The following KICS2 variants were observed in gnomAD, a reference collection of about 807,000 sequenced individuals.
KICS2 encodes KICSTOR complex protein C12orf66.
KICS2 carries 13 observed loss-of-function variants against 31.4 expected under a neutral mutation model. The observed-to-expected ratio is 0.41, with a 90% CI of 0.27 to 0.66. The LOEUF (loss-of-function observed/expected upper bound fraction) is 0.66, where lower values mean the gene tolerates loss of function less well. Among genes scored for constraint, KICS2 ranks in the 30% least tolerant of loss-of-function variants. The pLI, the probability that KICS2 is intolerant of heterozygous loss-of-function variation, is 0.28. For missense variants in KICS2, 455 were observed against 545.4 expected (o/e 0.83, Z 1.65); for synonymous variants, 209 against 214.8 (o/e 0.97, Z 0.24).
chr12:64,194,761 T>G (rs1476192471), intron 2 of KICS2, 103 bp from the exon 3 acceptor site: 1 of 1,413,086 alleles, frequency 7.1e-7, no homozygotes, highest in African/African-American at 1.4e-5. Flanking sequence ...CATAATATTA[T>G]GCTTCAGGAC....
Position 64,192,679 on chromosome 12 carries a change from AG to A in KICS2, c.*1162del. The A allele has an allele frequency of 1.0e-6, 1 of 985,472 alleles. No individual in the cohort carries two copies. The highest frequency in any genetic ancestry group is 1.2e-6 in the Non-Finnish European group (1 of 829,932). The allele number at this position is 985,472 out of a possible 1,614,324, so 61.0% of individuals were successfully genotyped here. ...TCTTTTTATTTTGAATCAATAATCT[AG>A]AAGTGAAGGTCTCCACAGCCCATTA... On this transcript the variant is annotated 3_prime_UTR_variant, in exon 3 of 3. Transcript: ENST00000398055.
intron 1 of KICS2, 146 bp from the exon 2 acceptor site, chr12:64,216,109 TATAAATACTTTATGATAATC>T (rs1235426084): frequency 0.016 from 5,847 of 362,930 alleles, 108 homozygotes; most frequent in South Asian, 0.027. Context: ...ATGATTGAGA[TATAAATACTTTATGATAATC>T]ATAAATACTT....
intron 2 of KICS2, among the ~76,000 whole-genome samples, chr12:64,203,708 C>A (rs1248784829): frequency 6.6e-6 from 1 of 151,934 alleles, no homozygotes; most frequent in Admixed American, 6.6e-5. Flanking sequence ...TAAAAAAAAT[C>A]TATTTAAGTA....
chr12:64,212,556 A>G (rs1232101337), intron 2 of KICS2, among the ~76,000 whole-genome samples: 1 of 152,094 alleles, frequency 6.6e-6, no homozygotes, highest in Non-Finnish European at 1.5e-5. Flanking sequence ...GATATACCAC[A>G]TTTATTTATC....
chr12:64,187,512 C>T (rs190750803), downstream of KICS2: 14 of 888,080 alleles, frequency 1.6e-5, no homozygotes, highest in South Asian at 3.1e-5. Context: ...TGAAACCTTA[C>T]GGATTTACAC....
rs1851776140 is a variant in KICS2 at position 64,193,567 on chromosome 12, C to T, written c.*275G>A. 1.7e-6 allele frequency: 2 copies of T among 1,165,366 alleles called. No homozygotes were observed. Among genetic ancestry groups the T allele is most frequent in the Admixed American group, 8.6e-5 (2 of 23,216 alleles). The allele number at this position is 1,165,366 out of a possible 1,614,324, so 72.2% of individuals were successfully genotyped here. Reference sequence around the variant, plus strand: ...AAAAGCCCAATAAATATTCAATCTACAAGAAATATAGCAAAATAGGGGAAA... The same window carrying T: ...AAAAGCCCAATAAATATTCAATCTATAAGAAATATAGCAAAATAGGGGAAA... On this transcript the variant is annotated 3_prime_UTR_variant, in exon 3 of 3. Transcript: ENST00000398055.
chr12:64,210,282 A>G (rs546039458), intron 2 of KICS2, among the ~76,000 whole-genome samples: 8 of 152,322 alleles, frequency 5.3e-5, no homozygotes, highest in African/African-American at 1.9e-4. Flanking sequence ...GAAATTGTAG[A>G]TGAAAAAAGA....
chr12:64,189,746 C>T (rs181480060), downstream of KICS2, among the ~76,000 whole-genome samples: 1 of 152,186 alleles, frequency 6.6e-6, no homozygotes, highest in Non-Finnish European at 1.5e-5. Flanking sequence ...GCAAAATGGA[C>T]TTTGGAGTAA....
Position 64,214,476 on chromosome 12 carries a change from T to G in KICS2, c.521+1202A>C, listed in dbSNP as rs979337316. Among the ~76,000 whole-genome samples the G allele has an allele frequency of 7.2e-5, 11 of 152,288 alleles. 1 individual carries two copies. In the South Asian group the frequency reaches 1.9e-3, roughly 26 times the overall value. ...GTAAGAACTTATAAGAGAGAAAGAA[T>G]TGCAAGTACCAAAACCCTGAAGCCT... On this transcript the variant is annotated intron_variant, in intron 2 of 2. Coordinates refer to ENST00000398055, the MANE Select transcript of KICS2 (RefSeq NM_152440.5).
chr12:64,217,827 AAAAG>A (rs755735350), intron 1 of KICS2, among the ~76,000 whole-genome samples: 2 of 151,852 alleles, frequency 1.3e-5, no homozygotes, highest in Non-Finnish European at 1.5e-5. Context: ...AAAAGAAAAG[AAAAG>A]AAAGAAGGAA....
chr12:64,208,701 T>A (rs1054437671), intron 2 of KICS2, among the ~76,000 whole-genome samples: 1 of 152,214 alleles, frequency 6.6e-6, no homozygotes, highest in African/African-American at 2.4e-5. Flanking sequence ...GTGTGCTTCC[T>A]AAAATGCAAA....
At position 64,206,607 on chromosome 12, in the gene KICS2, G is replaced by A. The variant is rs117906774; in HGVS notation, c.521+9071C>T. Among the ~76,000 whole-genome samples the A allele has an allele frequency of 1.2e-4, 19 of 152,312 alleles. No homozygotes were observed. In the East Asian group the frequency reaches 3.7e-3, roughly 29 times the overall value. On this transcript the variant is annotated intron_variant, in intron 2 of 2. Transcript: ENST00000398055. ...GATGGCATTTGAATTGAGCCATGAT[G>A]CTTAAAATAGCTGAGAGGTGGAAAC...
At position 64,194,539 on chromosome 12, in the gene KICS2, A is replaced by G. The variant is rs568868863; in HGVS notation, c.641T>C (p.Val214Ala). 1 of 1,614,108 alleles carries G rather than the reference A, an allele frequency of 6.2e-7. No homozygotes were observed. Among genetic ancestry groups the G allele is most frequent in the South Asian group, 1.1e-5 (1 of 91,072 alleles). The change falls in exon 3 of 3, where the codon GTT becomes GCT. Residue 214 changes from valine (V) to alanine (A), a missense_variant. Coordinates refer to ENST00000398055, the MANE Select transcript of KICS2 (RefSeq NM_152440.5). ...VSEWKFLPSL[V>A]NLHSAHTKLQ... ...TTTGGTGTGCGCACTGTGTAAATTAACCAGAGATGGGAGGAACTTCCACTC... is the reference window on the plus strand; with the variant it reads ...TTTGGTGTGCGCACTGTGTAAATTAGCCAGAGATGGGAGGAACTTCCACTC...
chr12:64,194,543 G>C lies in KICS2; in HGVS notation c.637C>G (p.Leu213Val). Residue 213 changes from leucine (L) to valine (V), a missense_variant, in exon 3 of 3, where the codon CTG (leucine) becomes GTG (valine). Physicochemically the swap from Leu to Val is conservative, Grantham distance 32 (BLOSUM62 1). Coordinates refer to ENST00000398055, the MANE Select transcript of KICS2 (RefSeq NM_152440.5). ...GTGTGCGCACTGTGTAAATTAACCA[G>C]AGATGGGAGGAACTTCCACTCTGAG... ...QVSEWKFLPS[L>V]VNLHSAHTKL... The C allele has an allele frequency of 1.2e-6, 2 of 1,614,180 alleles. No homozygotes were observed. The highest frequency in any genetic ancestry group is 1.7e-6 in the Non-Finnish European group (2 of 1,180,038).
chr12:64,189,446 C>T (rs1282406994), downstream of KICS2, among the ~76,000 whole-genome samples: 1 of 152,098 alleles, frequency 6.6e-6, no homozygotes, highest in African/African-American at 2.4e-5. Flanking sequence ...CTTGCTCTAA[C>T]TTCCAATATA....
At chr12:64,213,672 T>C (rs1435896218) in intron 2 of KICS2, among the ~76,000 whole-genome samples, 1 of 152,226 alleles carries the variant, frequency 6.6e-6, no homozygotes, top group African/African-American at 2.4e-5. Flanking sequence ...TACTTCCAAG[T>C]TGTTTTATTT....
downstream of KICS2, among the ~76,000 whole-genome samples, chr12:64,189,374 G>A (rs2037362459): frequency 6.6e-6 from 1 of 152,048 alleles, no homozygotes; most frequent in Admixed American, 6.5e-5. Flanking sequence ...CCAGTTGTTA[G>A]CTGCTTCCTA....
chr12:64,210,610 T>A (rs748527887), intron 2 of KICS2, among the ~76,000 whole-genome samples: 1 of 152,054 alleles, frequency 6.6e-6, no homozygotes, highest in Non-Finnish European at 1.5e-5. Context: ...ACCCTGTCTC[T>A]GCAAAAAAAT....
intron 2 of KICS2, among the ~76,000 whole-genome samples, chr12:64,213,095 A>G (rs1212033047): frequency 6.6e-6 from 1 of 151,354 alleles, no homozygotes; most frequent in Non-Finnish European, 1.5e-5. Flanking sequence ...CTCAAAAAAA[A>G]AAAAAAAAAA....
Sources: allele counts gnomAD v4.1 joint callset (sites outside exome capture counted in the v4.1 genomes callset), GRCh38; gene constraint gnomAD v4.1.1; transcripts MANE v1.5; gene names NCBI Gene and HGNC (gene_info 2026-07-23, HGNC 2026-07-21).